Variants in HIPK2 observed in about 807,000 individuals in gnomAD.
The protein encoded by HIPK2 is homeodomain-interacting protein kinase 2.
In HIPK2, 27 loss-of-function variants were observed where a neutral mutation model predicts 113.7. The ratio of observed to expected loss-of-function variants is 0.24; its 90% CI spans 0.17 to 0.33. The LOEUF is 0.33. Ranked by LOEUF, HIPK2 falls within the 10% of genes least tolerant of loss-of-function variation. HIPK2 has a pLI of 1.00. For synonymous variants in HIPK2, 631 were observed against 642.2 expected, an observed-to-expected ratio of 0.98 and a Z score of 0.26; for missense variants, 1,257 against 1,588.0, an observed-to-expected ratio of 0.79 and a Z score of 3.54.
At chr7:139,638,170 G>C (rs976620914) in intron 2 of HIPK2, among the ~76,000 whole-genome samples, 1 of 152,124 alleles carries the variant, frequency 6.6e-6, no homozygotes, top group African/African-American at 2.4e-5. Context: ...TGCAGCATGC[G>C]AAATCACATG....
At chr7:139,771,692 G>A (rs1423351928) in intron 1 of HIPK2, among the ~76,000 whole-genome samples, 1 of 151,958 alleles carries the variant, frequency 6.6e-6, no homozygotes, top group Admixed American at 6.6e-5. Flanking sequence ...CGGTACTAAT[G>A]AGAACATTAT....
intron 1 of HIPK2, among the ~76,000 whole-genome samples, chr7:139,732,343 C>A (rs943600048): frequency 6.6e-5 from 10 of 152,150 alleles, no homozygotes; most frequent in African/African-American, 2.4e-4. Flanking sequence ...TGTCATCAAG[C>A]CAGTCCTGGC....
intron 2 of HIPK2, among the ~76,000 whole-genome samples, chr7:139,712,539 A>G (rs1056521448): frequency 1.3e-5 from 2 of 152,202 alleles, no homozygotes; most frequent in African/African-American, 4.8e-5. Flanking sequence ...ACAAAGGCCA[A>G]CCTGCTGGGA....
chr7:139,575,085 A>T, intron 14 of HIPK2, 43 bp downstream of exon 14: 1 of 1,547,960 alleles, frequency 6.5e-7, no homozygotes. Flanking sequence ...GGATGAGGGG[A>T]TGGGGGCCCT....
chr7:139,757,936 C>T (rs1796388907), intron 1 of HIPK2, among the ~76,000 whole-genome samples: 1 of 152,130 alleles, frequency 6.6e-6, no homozygotes, highest in Non-Finnish European at 1.5e-5. Context: ...ATATTATTTA[C>T]AAGGATTAAC....
At chr7:139,662,533 C>G (rs1027632751) in intron 2 of HIPK2, among the ~76,000 whole-genome samples, 20 of 152,106 alleles carry the variant, frequency 1.3e-4, no homozygotes, top group Middle Eastern at 3.4e-3. Flanking sequence ...GTTTACCACT[C>G]GGGCCATATA....
At chr7:139,693,155 CAAGTTACTT>C (rs1424576170) in intron 2 of HIPK2, among the ~76,000 whole-genome samples, 1 of 152,176 alleles carries the variant, frequency 6.6e-6, no homozygotes, top group Non-Finnish European at 1.5e-5. Context: ...GGATTTGGGG[CAAGTTACTT>C]AACCTCCTTG....
At chr7:139,606,433 A>G (rs1200401117) in intron 9 of HIPK2, among the ~76,000 whole-genome samples, 1 of 152,224 alleles carries the variant, frequency 6.6e-6, no homozygotes, top group Non-Finnish European at 1.5e-5. Flanking sequence ...CACTCAACTA[A>G]AATGATAGTA....
At chr7:139,761,126 C>T (rs1256204171) in intron 1 of HIPK2, among the ~76,000 whole-genome samples, 1 of 152,198 alleles carries the variant, frequency 6.6e-6, no homozygotes, top group Non-Finnish European at 1.5e-5. Flanking sequence ...AAAGGGAAAG[C>T]ATTAGCACAG....
chr7:139,659,058 C>T lies in HIPK2; in HGVS notation c.1104-27333G>A, dbSNP rs551502348. ...TGATGGACATATTTCTCGCTGAGGC[C>T]GACGGCATGTGGTATTGGCATTGGC... On this transcript the variant is annotated intron_variant, in intron 2 of 14. Transcript: ENST00000406875. Among the ~76,000 whole-genome samples, 37 of 151,094 alleles carry T rather than the reference C, an allele frequency of 2.4e-4. No homozygotes were observed. In the South Asian group the frequency reaches 7.5e-3, roughly 31 times the overall value.
intron 6 of HIPK2, 83 bp from the exon 7 acceptor site, chr7:139,620,646 G>T (rs1162232977): frequency 1.3e-5 from 20 of 1,520,430 alleles, no homozygotes; most frequent in Non-Finnish European, 1.8e-5. Flanking sequence ...GAAAACAAAG[G>T]AAAGGAGAGA....
At chr7:139,745,918 A>G (rs1796182727) in intron 1 of HIPK2, among the ~76,000 whole-genome samples, 1 of 152,222 alleles carries the variant, frequency 6.6e-6, no homozygotes, top group Non-Finnish European at 1.5e-5. Flanking sequence ...GATTATTTCA[A>G]CACAGAAAAG....
intron 1 of HIPK2, among the ~76,000 whole-genome samples, chr7:139,759,775 G>A (rs928381414): frequency 3.3e-5 from 5 of 152,076 alleles, no homozygotes; most frequent in Non-Finnish European, 7.4e-5. Context: ...AGGGTTAAGC[G>A]AGATACTAAG....
intron 13 of HIPK2, among the ~76,000 whole-genome samples, chr7:139,580,738 A>G (rs1798640743): frequency 1.3e-5 from 2 of 152,240 alleles, no homozygotes; most frequent in African/African-American, 4.8e-5. Flanking sequence ...TTAACCTGGG[A>G]AACTGGGAAG....
chr7:139,777,810 GCCGCCGCCGCCGC>G lies in HIPK2; in HGVS notation c.-200_-188del, dbSNP rs1796814857. The G allele has an allele frequency of 4.1e-6, 1 of 246,386 alleles. No homozygotes were observed. Among genetic ancestry groups the G allele is most frequent in the Admixed American group, 6.8e-5 (1 of 14,678 alleles). The allele number at this position is 246,386 out of a possible 1,614,324, so 15.3% of individuals were successfully genotyped here. On this transcript the variant is annotated 5_prime_UTR_variant, in exon 1 of 15. Coordinates refer to ENST00000406875, the MANE Select transcript of HIPK2 (RefSeq NM_022740.5). ...GCCGGGGGAGGGGGCCGGGCGCGCC[GCCGCCGCCGCCGC>G]CGCCGCTGCCGCCCGGGCCCGGCGC... is the stretch of plus-strand genomic sequence containing the variant.
At chr7:139,591,351 C>T (rs115268524) in intron 12 of HIPK2, among the ~76,000 whole-genome samples, 3,074 of 152,246 alleles carry the variant, frequency 0.02, 105 homozygotes, top group African/African-American at 0.071. Flanking sequence ...GTTTGCTCTC[C>T]TTCCATCTTC....
intron 9 of HIPK2, among the ~76,000 whole-genome samples, chr7:139,604,627 T>C (rs1463762653): frequency 7.6e-6 from 1 of 131,176 alleles, no homozygotes; most frequent in Non-Finnish European, 1.5e-5. Flanking sequence ...CTTGAAGAAG[T>C]GAGCCGAGAT....
chr7:139,663,357 G>C (rs1244819899), intron 2 of HIPK2, among the ~76,000 whole-genome samples: 2 of 152,172 alleles, frequency 1.3e-5, no homozygotes, highest in African/African-American at 4.8e-5. Flanking sequence ...TACAGCTCAG[G>C]GGCAGCAGTG....
chr7:139,619,073 T>C (rs1800151394), intron 7 of HIPK2, among the ~76,000 whole-genome samples: 1 of 152,106 alleles, frequency 6.6e-6, no homozygotes. Flanking sequence ...GGGCAGCAGA[T>C]ACCAGGTGGT....
Sources: allele counts gnomAD v4.1 joint callset (sites outside exome capture counted in the v4.1 genomes callset), GRCh38; gene constraint gnomAD v4.1.1; transcripts MANE v1.5; gene names NCBI Gene and HGNC (gene_info 2026-07-23, HGNC 2026-07-21).